The following KANSL1 variants were observed in gnomAD, a reference collection of about 807,000 sequenced individuals.
KANSL1 encodes the protein MLL1/MLL complex subunit KANSL1.
Under a neutral mutation model 103.6 loss-of-function variants are expected in KANSL1, and 22 were observed. The observed-to-expected ratio is 0.21, with a 90% CI of 0.15 to 0.30. The LOEUF (loss-of-function observed/expected upper bound fraction) is 0.30, where lower values mean the gene tolerates loss of function less well. Among genes scored for constraint, KANSL1 ranks in the 10% least tolerant of loss-of-function variants. The pLI is 1.00. For synonymous variants in KANSL1, 600 were observed against 527.6 expected (o/e 1.14, Z -1.88); for missense variants, 1,337 against 1,399.8 (o/e 0.96, Z 0.72).
At chr17:46,155,918 G>C (rs945441312) in intron 2 of KANSL1, among the ~76,000 whole-genome samples, 2 of 152,196 alleles carry the variant, frequency 1.3e-5, no homozygotes, top group African/African-American at 2.4e-5. Flanking sequence ...GGGTGATAGA[G>C]TGAAACCCTA....
chr17:46,135,929 C>T (rs1446510831), intron 2 of KANSL1, among the ~76,000 whole-genome samples: 1 of 152,096 alleles, frequency 6.6e-6, no homozygotes, highest in African/African-American at 2.4e-5. Flanking sequence ...CTTAATGTAT[C>T]TATTTGATTT....
chr17:46,214,003 T>G (rs778852176), intron 1 of KANSL1, among the ~76,000 whole-genome samples: 1 of 152,104 alleles, frequency 6.6e-6, no homozygotes, highest in Non-Finnish European at 1.5e-5. Context: ...CTGGCACATA[T>G]AAACATCACA....
At chr17:46,037,234 C>CT (rs1393113213) in intron 10 of KANSL1, 1 of 152,156 alleles carries the variant, frequency 6.6e-6, no homozygotes, top group Non-Finnish European at 1.5e-5. Flanking sequence ...AGTTTAGACT[C>CT]TTTTTTATAA....
At chr17:46,172,826 C>T (rs1490787445) in intron 1 of KANSL1, among the ~76,000 whole-genome samples, 1 of 152,188 alleles carries the variant, frequency 6.6e-6, no homozygotes, top group Non-Finnish European at 1.5e-5. Context: ...TCAAAGTGGT[C>T]ATCAATATCT....
At chr17:46,090,482 C>G (rs942676781) in intron 3 of KANSL1, among the ~76,000 whole-genome samples, 1 of 152,222 alleles carries the variant, frequency 6.6e-6, no homozygotes, top group African/African-American at 2.4e-5. Flanking sequence ...TTCTTCCTAT[C>G]GGAACTCTGA....
intron 2 of KANSL1, among the ~76,000 whole-genome samples, chr17:46,105,948 C>CACA (rs373189477): frequency 2.0e-3 from 80 of 39,034 alleles, no homozygotes; most frequent in East Asian, 5.7e-3. Flanking sequence ...CACACACACA[C>CACA]CCCCCCAGAA....
At chr17:46,221,975 T>C (rs2048544931) in intron 1 of KANSL1, 1 of 152,226 alleles carries the variant, frequency 6.6e-6, no homozygotes. Context: ...CCTTTTTTTC[T>C]GACCAGACGA....
chr17:46,095,196 G>A (rs1036936012), intron 2 of KANSL1, among the ~76,000 whole-genome samples: 7 of 152,008 alleles, frequency 4.6e-5, no homozygotes, highest in Admixed American at 2.6e-4. Flanking sequence ...AGAAAATAAC[G>A]CCTGAAAGCA....
intron 3 of KANSL1, among the ~76,000 whole-genome samples, chr17:46,085,326 C>T (rs552165165): frequency 2.0e-5 from 3 of 152,298 alleles, no homozygotes; most frequent in African/African-American, 7.2e-5. Context: ...CAAGTCCCAC[C>T]TCCTTCCAAG....
At chr17:46,112,456 G>A (rs1022686157) in intron 2 of KANSL1, among the ~76,000 whole-genome samples, 51 of 150,718 alleles carry the variant, frequency 3.4e-4, no homozygotes, top group African/African-American at 1.2e-3. Context: ...AGGCTGAGGC[G>A]AGCGGATCAC....
At chr17:46,198,422 T>TAAAA (rs58312564), upstream of KANSL1, among the ~76,000 whole-genome samples, 6 of 96,106 alleles carry the variant, frequency 6.2e-5, no homozygotes, top group Admixed American at 2.1e-4. Flanking sequence ...CTACTTTAAT[T>TAAAA]AAAAAAAAAA....
chr17:46,032,503 G>A, intron 13 of KANSL1: 1 of 475,582 alleles, frequency 2.1e-6, no homozygotes, highest in South Asian at 5.0e-5. Context: ...AAAAAGCATG[G>A]CTGAACAATG....
intron 2 of KANSL1, among the ~76,000 whole-genome samples, chr17:46,106,261 G>A (rs952001065): frequency 2.6e-5 from 4 of 152,098 alleles, no homozygotes; most frequent in East Asian, 3.9e-4. Flanking sequence ...AAGTTCCAAC[G>A]CACAATCTCC....
intron 7 of KANSL1, chr17:46,042,790 A>G (rs959929699): frequency 9.0e-6 from 1 of 111,228 alleles, no homozygotes; most frequent in Admixed American, 9.7e-5. Context: ...AGTTGGGGAA[A>G]AAAAAAAAAA....
chr17:46,221,022 C>A (rs1024300935), intron 1 of KANSL1, among the ~76,000 whole-genome samples: 3 of 148,600 alleles, frequency 2.0e-5, no homozygotes, highest in Admixed American at 2.0e-4. Flanking sequence ...TGCATACATA[C>A]ACCAATGCAA....
chr17:46,147,600 A>C (rs1024248169), intron 2 of KANSL1, among the ~76,000 whole-genome samples: 1 of 149,710 alleles, frequency 6.7e-6, no homozygotes, highest in African/African-American at 2.5e-5. Flanking sequence ...AAAAAAAGAG[A>C]GCGAGAGAGA....
intron 2 of KANSL1, among the ~76,000 whole-genome samples, chr17:46,129,343 A>T (rs1196239247): frequency 6.6e-6 from 1 of 152,246 alleles, no homozygotes; most frequent in Non-Finnish European, 1.5e-5. Flanking sequence ...TAAATAAAAA[A>T]GAGATCCATG....
chr17:46,197,606 G>T (rs141377131), upstream of KANSL1, among the ~76,000 whole-genome samples: 343 of 152,362 alleles, frequency 2.3e-3, no homozygotes, highest in African/African-American at 8.0e-3. Context: ...TCACACCACT[G>T]CACTCCAGCC....
At chr17:46,096,512 G>GT (rs139282381) in intron 2 of KANSL1, among the ~76,000 whole-genome samples, 21,067 of 150,402 alleles carry the variant, frequency 0.14, 2,073 homozygotes, top group Non-Finnish European at 0.21. Flanking sequence ...TAGACACGGG[G>GT]TTTCTCCATG....
Sources: allele counts gnomAD v4.1 joint callset (sites outside exome capture counted in the v4.1 genomes callset), GRCh38; gene constraint gnomAD v4.1.1; transcripts MANE v1.5; gene names NCBI Gene and HGNC (gene_info 2026-07-23, HGNC 2026-07-21).